The following SLC35F4 variants were observed in gnomAD, a reference collection of about 807,000 sequenced individuals.
SLC35F4 encodes the protein solute carrier family 35 member F4, also known as chromosome 14 open reading frame 36.
SLC35F4 carries 24 observed loss-of-function variants against 44.2 expected under a neutral mutation model. That is an observed-to-expected ratio of 0.54 (90% CI 0.39 to 0.76). The LOEUF is 0.76. Ranked by LOEUF, SLC35F4 falls within the 30% of genes least tolerant of loss-of-function variation. The pLI is 0.00. For missense variants in SLC35F4, 562 were observed against 586.1 expected, an observed-to-expected ratio of 0.96 and a Z score of 0.42; for synonymous variants, 238 against 223.6, an observed-to-expected ratio of 1.06 and a Z score of -0.57.
intron 1 of SLC35F4, among the ~76,000 whole-genome samples, chr14:57,853,087 T>G (rs1445436781): frequency 6.6e-6 from 1 of 152,230 alleles, no homozygotes; most frequent in Non-Finnish European, 1.5e-5. Flanking sequence ...AAAGACCTGT[T>G]GTATTGCCCT....
chr14:57,970,084 C>A (rs1389097168), intron 1 of SLC35F4, among the ~76,000 whole-genome samples: 2 of 152,166 alleles, frequency 1.3e-5, no homozygotes, highest in African/African-American at 4.8e-5. Flanking sequence ...AATTATTTAC[C>A]TTTAACTAGG....
intron 1 of SLC35F4, among the ~76,000 whole-genome samples, chr14:57,958,365 G>T (rs1280367654): frequency 6.6e-6 from 1 of 152,132 alleles, no homozygotes; most frequent in Non-Finnish European, 1.5e-5. Flanking sequence ...GCAATTAGAT[G>T]AATGTTGAAA....
chr14:57,566,645 G>A, intron 6 of SLC35F4, 81 bp from the exon 7 acceptor site: 4 of 1,359,984 alleles, frequency 2.9e-6, no homozygotes, highest in South Asian at 1.3e-5. Flanking sequence ...ATGAATCAAT[G>A]TCTTTGCTAC....
rs183215688 is a variant in SLC35F4 at position 57,753,657 on chromosome 14, T to C, written c.103+112066A>G. 4.9e-3 allele frequency among the ~76,000 whole-genome samples: 741 copies of C among 152,254 alleles called. 7 individuals are homozygous for C. Among genetic ancestry groups the C allele is most frequent in the Non-Finnish European group, 5.5e-3 (376 of 68,004 alleles). On this transcript the variant is annotated intron_variant, in intron 1 of 7. Transcript: ENST00000556826. ...CCTACCCACAAAGAATTCTCTTACATACCACTTTGAGGGCAGCACCAAGAA... is the reference window on the plus strand; with the variant it reads ...CCTACCCACAAAGAATTCTCTTACACACCACTTTGAGGGCAGCACCAAGAA...
intron 1 of SLC35F4, among the ~76,000 whole-genome samples, chr14:57,834,430 G>A (rs1054957000): frequency 1.3e-5 from 2 of 152,184 alleles, no homozygotes; most frequent in Non-Finnish European, 2.9e-5. Flanking sequence ...AAAATCTTAT[G>A]CTCACAAGGA....
chr14:57,758,744 T>C (rs932992134), intron 1 of SLC35F4, among the ~76,000 whole-genome samples: 1 of 152,156 alleles, frequency 6.6e-6, no homozygotes, highest in African/African-American at 2.4e-5. Flanking sequence ...GGACTTTGGA[T>C]TTTTCTTTTA....
intron 1 of SLC35F4, among the ~76,000 whole-genome samples, chr14:57,637,112 T>A (rs953595502): frequency 1.3e-5 from 2 of 152,128 alleles, no homozygotes; most frequent in African/African-American, 4.8e-5. Flanking sequence ...CTCAGAGCAA[T>A]TGATCTTAAT....
At position 57,577,523 on chromosome 14, in the gene SLC35F4, T is replaced by TA. The variant is rs541858098; in HGVS notation, c.807+3690dup. Among the ~76,000 whole-genome samples, 704 of 152,102 alleles carry TA rather than the reference T, an allele frequency of 4.6e-3. 4 individuals are homozygous for TA. Among genetic ancestry groups the TA allele is most frequent in the African/African-American group, 0.016 (662 of 41,490 alleles). On this transcript the variant is annotated intron_variant, in intron 4 of 7. Coordinates refer to ENST00000556826, the MANE Select transcript of SLC35F4 (RefSeq NM_001306087.2). ...ATAAGAAAAATTTGAATGAATAGTA[T>TA]AAAAAAATAAGAGAGGGACAAAATC...
At chr14:57,756,750 G>A (rs1015179947) in intron 1 of SLC35F4, among the ~76,000 whole-genome samples, 7 of 151,992 alleles carry the variant, frequency 4.6e-5, no homozygotes, top group Non-Finnish European at 8.8e-5. Flanking sequence ...GACCTCCCAG[G>A]CTCAAGCAAC....
chr14:57,888,174 G>A (rs1451303127), intron 1 of SLC35F4, among the ~76,000 whole-genome samples: 1 of 152,096 alleles, frequency 6.6e-6, no homozygotes. Flanking sequence ...CTCAGAGAAA[G>A]GAGATTTGGG....
chr14:57,595,322 A>G (rs1285381959), intron 1 of SLC35F4, among the ~76,000 whole-genome samples: 2 of 152,218 alleles, frequency 1.3e-5, no homozygotes, highest in African/African-American at 2.4e-5. Context: ...CCTTCTCATC[A>G]TATAGTATCA....
At chr14:57,931,354 T>C (rs1889693242) in intron 1 of SLC35F4, among the ~76,000 whole-genome samples, 1 of 152,220 alleles carries the variant, frequency 6.6e-6, no homozygotes, top group South Asian at 2.1e-4. Context: ...ACACTTCAAT[T>C]CATCCCTTTC....
At chr14:57,666,614 G>GT (rs2074317486) in intron 1 of SLC35F4, among the ~76,000 whole-genome samples, 1 of 151,760 alleles carries the variant, frequency 6.6e-6, no homozygotes, top group Non-Finnish European at 1.5e-5. Context: ...ATAAATGTAT[G>GT]TTTTTTTAAG....
chr14:57,869,171 A>C (rs541214726), upstream of SLC35F4, among the ~76,000 whole-genome samples: 1 of 151,820 alleles, frequency 6.6e-6, no homozygotes, highest in East Asian at 1.9e-4. Flanking sequence ...CTAATTGAGT[A>C]TACAATTAGG....
At chr14:57,599,382 T>C (rs1371088398) in intron 1 of SLC35F4, among the ~76,000 whole-genome samples, 2 of 152,218 alleles carry the variant, frequency 1.3e-5, no homozygotes, top group Non-Finnish European at 2.9e-5. Context: ...TCAGAAATTC[T>C]GCAGTTGGGT....
rs2068397136 is a variant in SLC35F4 at position 57,569,819 on chromosome 14, G to A, written c.1095C>T (p.Gly365=). ...ACAGCCCTGCCATCCCACAGAGACA[G>A]CCCCATGGCAGAGCAGCAAAAGAGG... is the stretch of plus-strand genomic sequence containing the variant. ...HWSSFAALPW[G]CLCGMAGLWL... Residue 365 remains glycine (G), a synonymous_variant, in exon 6 of 8, where the codon GGC becomes GGT. Coordinates refer to ENST00000556826, the MANE Select transcript of SLC35F4 (RefSeq NM_001306087.2). 6.2e-7 allele frequency: 1 copy of A among 1,610,254 alleles called. No individual in the cohort carries two copies. Among genetic ancestry groups the A allele is most frequent in the Non-Finnish European group, 8.5e-7 (1 of 1,178,428 alleles).
intron 1 of SLC35F4, among the ~76,000 whole-genome samples, chr14:57,926,766 T>C (rs1889583045): frequency 1.3e-5 from 2 of 150,940 alleles, no homozygotes; most frequent in Admixed American, 1.3e-4. Context: ...GGCACAGTGA[T>C]GCCTTAGAGA....
At chr14:57,704,535 C>T (rs1384736122) in intron 1 of SLC35F4, among the ~76,000 whole-genome samples, 1 of 152,124 alleles carries the variant, frequency 6.6e-6, no homozygotes, top group Non-Finnish European at 1.5e-5. Context: ...ATACTGGACA[C>T]TCTGACAAGA....
At chr14:57,921,119 C>T in intron 1 of SLC35F4, among the ~76,000 whole-genome samples, 1 of 152,230 alleles carries the variant, frequency 6.6e-6, no homozygotes, top group East Asian at 1.9e-4. Flanking sequence ...GTTCATCTCA[C>T]TGAACCAGAA....
Sources: allele counts gnomAD v4.1 joint callset (sites outside exome capture counted in the v4.1 genomes callset), GRCh38; gene constraint gnomAD v4.1.1; transcripts MANE v1.5; gene names NCBI Gene and HGNC (gene_info 2026-07-23, HGNC 2026-07-21).